USH2A: variants seen among roughly 807,000 people sequenced by gnomAD.
The protein encoded by USH2A is usherin.
A neutral mutation model predicts 538.9 loss-of-function variants in USH2A; 443 were observed. That is an observed-to-expected ratio of 0.82 (90% CI 0.76 to 0.89). The LOEUF is 0.89. Ranked by LOEUF, USH2A falls within the 40% of genes least tolerant of loss-of-function variation. The probability of loss-of-function intolerance (pLI) is 0.00; values close to 1 mark genes in which losing one functional copy is unlikely to be tolerated. For missense variants in USH2A, 6,633 were observed against 6,324.8 expected, an observed-to-expected ratio of 1.05 and a Z score of -1.65; for synonymous variants, 2,413 against 2,273.5, an observed-to-expected ratio of 1.06 and a Z score of -1.75.
chr1:215,890,128 C>T (rs1665171513), intron 40 of USH2A, among the ~76,000 whole-genome samples: 1 of 152,180 alleles, frequency 6.6e-6, no homozygotes, highest in Non-Finnish European at 1.5e-5. Context: ...TTCTTATAAA[C>T]CACGGCCTGA....
At chr1:216,080,864 G>A (rs573526806) in intron 26 of USH2A, among the ~76,000 whole-genome samples, 1 of 151,776 alleles carries the variant, frequency 6.6e-6, no homozygotes, top group East Asian at 1.9e-4. Flanking sequence ...ATACGGTCAA[G>A]TTGATAGAGA....
intron 43 of USH2A, among the ~76,000 whole-genome samples, chr1:215,876,527 C>A (rs1664779538): frequency 6.6e-6 from 1 of 152,136 alleles, no homozygotes; most frequent in South Asian, 2.1e-4. Flanking sequence ...CTGGTATGTG[C>A]CAGACACCAT....
chr1:215,743,416 G>GTGTCTATATA (rs1491186893), intron 58 of USH2A, 81 bp from the exon 59 acceptor site: 12 of 238,554 alleles, frequency 5.0e-5, no homozygotes, highest in Admixed American at 1.8e-4. Flanking sequence ...GTGTGTGTGT[G>GTGTCTATATA]TATATATATA....
intron 21 of USH2A, among the ~76,000 whole-genome samples, chr1:216,115,213 C>CA (rs1217479228): frequency 1.3e-5 from 2 of 152,120 alleles, no homozygotes; most frequent in African/African-American, 4.8e-5. Flanking sequence ...CTCACTGCAT[C>CA]ATTGACCTCC....
At chr1:216,183,936 C>T (rs2034540993) in intron 20 of USH2A, among the ~76,000 whole-genome samples, 1 of 151,866 alleles carries the variant, frequency 6.6e-6, no homozygotes, top group African/African-American at 2.4e-5. Context: ...TGCTTAAGAG[C>T]CATGGAAATT....
intron 20 of USH2A, among the ~76,000 whole-genome samples, chr1:216,183,428 T>A (rs2034530864): frequency 6.6e-6 from 1 of 152,228 alleles, no homozygotes; most frequent in African/African-American, 2.4e-5. Flanking sequence ...TAACATGCTT[T>A]GCAATCATAT....
intron 61 of USH2A, among the ~76,000 whole-genome samples, 163 bp downstream of exon 61, chr1:215,727,867 T>G (rs1189750949): frequency 6.6e-6 from 1 of 152,190 alleles, no homozygotes; most frequent in African/African-American, 2.4e-5. Flanking sequence ...TCATACTCAG[T>G]TCAGTATCTT....
chr1:216,242,217 C>T lies in USH2A; in HGVS notation c.2809+4368G>A, dbSNP rs185407004. 1.9e-3 allele frequency among the ~76,000 whole-genome samples: 290 copies of T among 150,734 alleles called. 1 individual carries two copies. Among genetic ancestry groups the T allele is most frequent in the African/African-American group, 6.5e-3 (266 of 41,142 alleles). ...AAAAAAAAAAAATACAAAAAATTAG[C>T]CAGGCCTGTAGTCCCAGCTGCTCGG... On this transcript the variant is annotated intron_variant, in intron 13 of 71. Coordinates refer to ENST00000307340, the MANE Select transcript of USH2A (RefSeq NM_206933.4).
intron 21 of USH2A, among the ~76,000 whole-genome samples, chr1:216,120,711 G>C (rs1191432297): frequency 1.3e-5 from 2 of 151,962 alleles, no homozygotes; most frequent in African/African-American, 2.4e-5. Context: ...AATTAGCCGG[G>C]CATGGTGGCG....
intron 16 of USH2A, among the ~76,000 whole-genome samples, chr1:216,201,353 G>A (rs2102470760): frequency 6.8e-6 from 1 of 147,930 alleles, no homozygotes; most frequent in South Asian, 2.1e-4. Context: ...TTGTCACCCA[G>A]GCTGGAGTGC....
At chr1:216,018,317 C>T (rs530703001) in intron 32 of USH2A, among the ~76,000 whole-genome samples, 6 of 152,190 alleles carry the variant, frequency 3.9e-5, no homozygotes, top group Admixed American at 1.3e-4. Context: ...AGAATAAGAA[C>T]GCAGCTAGTG....
intron 9 of USH2A, among the ~76,000 whole-genome samples, chr1:216,310,334 T>C (rs1168076591): frequency 6.6e-6 from 1 of 152,106 alleles, no homozygotes; most frequent in Non-Finnish European, 1.5e-5. Context: ...TTTTGGGGGT[T>C]GCCCTATAAA....
intron 32 of USH2A, among the ~76,000 whole-genome samples, chr1:216,032,976 T>G (rs971343237): frequency 3.3e-5 from 5 of 152,138 alleles, no homozygotes; most frequent in Non-Finnish European, 1.5e-5. Context: ...CCACCCAAAT[T>G]TCTGATTTAC....
intron 4 of USH2A, among the ~76,000 whole-genome samples, chr1:216,333,452 A>T (rs1269251585): frequency 6.6e-6 from 1 of 152,124 alleles, no homozygotes; most frequent in Non-Finnish European, 1.5e-5. Flanking sequence ...AAATTAACAA[A>T]GCCCCAGAAA....
rs537153623 is a variant in USH2A at position 216,383,708 on chromosome 1, G to A, written c.652-18623C>T. ...GTTTGTTTGTTTTGCGAGAGGATCTGGCTCTGTTGCCTAGGCTGGAGTGCA... is the reference window on the plus strand; with the variant it reads ...GTTTGTTTGTTTTGCGAGAGGATCTAGCTCTGTTGCCTAGGCTGGAGTGCA... On this transcript the variant is annotated intron_variant, in intron 3 of 71. Transcript: ENST00000307340. 2.6e-5 allele frequency among the ~76,000 whole-genome samples: 4 copies of A among 152,148 alleles called. No individual in the cohort carries two copies. In the South Asian group the frequency reaches 8.3e-4, roughly 32 times the overall value.
chr1:215,887,822 G>A (rs944175370), intron 41 of USH2A, among the ~76,000 whole-genome samples: 1 of 152,164 alleles, frequency 6.6e-6, no homozygotes, highest in Non-Finnish European at 1.5e-5. Context: ...AAGCCTGTGT[G>A]TATTTACACA....
At chr1:215,722,256 A>T (rs569864656) in intron 61 of USH2A, among the ~76,000 whole-genome samples, 1 of 152,282 alleles carries the variant, frequency 6.6e-6, no homozygotes, top group Non-Finnish European at 1.5e-5. Flanking sequence ...ATTTTTCTTC[A>T]CATTAGAAAG....
At chr1:215,766,851 C>T (rs1464144404) in intron 55 of USH2A, 63 bp from the exon 56 acceptor site, 1 of 1,420,580 alleles carries the variant, frequency 7.0e-7, no homozygotes, top group East Asian at 2.3e-5. Context: ...CAATTAAGTA[C>T]CAGAAGTAAC....
chr1:215,712,461 G>C (rs1659364498), intron 61 of USH2A, among the ~76,000 whole-genome samples: 1 of 152,188 alleles, frequency 6.6e-6, no homozygotes, highest in South Asian at 2.1e-4. Context: ...TTGGCCCTCG[G>C]CAGTGTCACC....
Sources: allele counts gnomAD v4.1 joint callset (sites outside exome capture counted in the v4.1 genomes callset), GRCh38; gene constraint gnomAD v4.1.1; transcripts MANE v1.5; gene names NCBI Gene and HGNC (gene_info 2026-07-23, HGNC 2026-07-21).